RAPGEF6: variants seen among roughly 807,000 people sequenced by gnomAD.
The protein encoded by RAPGEF6 is Rap guanine nucleotide exchange factor 6.
A neutral mutation model predicts 171.4 loss-of-function variants in RAPGEF6; 56 were observed. The ratio of observed to expected loss-of-function variants is 0.33; its 90% CI spans 0.26 to 0.41. The LOEUF (loss-of-function observed/expected upper bound fraction) is 0.41. Ranked by LOEUF, RAPGEF6 falls within the 10% of genes least tolerant of loss-of-function variation. The probability of loss-of-function intolerance (pLI) is 1.00; values close to 1 mark genes in which losing one functional copy is unlikely to be tolerated. For missense variants in RAPGEF6, 1,674 were observed against 1,921.4 expected, an observed-to-expected ratio of 0.87 and a Z score of 2.41; for synonymous variants, 692 against 650.1, an observed-to-expected ratio of 1.06 and a Z score of -0.98.
chr5:131,440,170 A>G (rs1752286368), intron 23 of RAPGEF6: 2 of 455,134 alleles, frequency 4.4e-6, no homozygotes, highest in African/African-American at 4.0e-5. Context: ...TGCTGTGGGT[A>G]TACGGGAAGA....
intron 17 of RAPGEF6, among the ~76,000 whole-genome samples, chr5:131,467,356 A>T (rs930625358): frequency 5.9e-5 from 9 of 152,236 alleles, no homozygotes; most frequent in African/African-American, 2.2e-4. Flanking sequence ...TCTAAAGGGT[A>T]TCCCTTAATC....
intron 1 of RAPGEF6, among the ~76,000 whole-genome samples, chr5:131,623,451 G>C (rs920391160): frequency 6.9e-6 from 1 of 145,008 alleles, no homozygotes; most frequent in Non-Finnish European, 1.5e-5. Context: ...TACTAGAATA[G>C]TAAAGGAACA....
At chr5:131,626,338 C>G (rs1765929519) in intron 1 of RAPGEF6, among the ~76,000 whole-genome samples, 1 of 152,084 alleles carries the variant, frequency 6.6e-6, no homozygotes, top group Admixed American at 6.6e-5. Context: ...ATACCAATAG[C>G]TGTGATTTTT....
intron 5 of RAPGEF6, among the ~76,000 whole-genome samples, chr5:131,552,692 C>G (rs1365679306): frequency 5.3e-5 from 8 of 152,042 alleles, no homozygotes; most frequent in Admixed American, 5.2e-4. Flanking sequence ...AACTCCTGAT[C>G]TCAGGTGATC....
chr5:131,604,627 G>A lies in RAPGEF6; in HGVS notation c.136C>T (p.Leu46Phe). The change falls in exon 2 of 28, where the codon CTT (leucine) becomes TTT (phenylalanine). Residue 46 changes from leucine (L) to phenylalanine (F), a missense_variant. Physicochemically the swap from Leu to Phe is conservative, Grantham distance 22 (BLOSUM62 0). Around this residue, in one of 3 missense-constraint regions of RAPGEF6, gnomAD observed 1,116 missense variants for 1,321.5 expected, o/e 0.84. Transcript: ENST00000509018. Reference protein sequence around the residue: ...EILSNLREHQLRLMSARARYE... With the variant: ...EILSNLREHQFRLMSARARYE... ...TAAATACAGAACGACACTTACCTAA[G>A]CTGATGTTCCCTGAGATTTGATAAT... The A allele has an allele frequency of 6.2e-7, 1 of 1,612,194 alleles. No homozygotes were observed. Among genetic ancestry groups the A allele is most frequent in the South Asian group, 1.1e-5 (1 of 90,856 alleles).
At chr5:131,556,733 T>C (rs1761259363) in intron 5 of RAPGEF6, among the ~76,000 whole-genome samples, 1 of 152,184 alleles carries the variant, frequency 6.6e-6, no homozygotes, top group African/African-American at 2.4e-5. Flanking sequence ...TTTATTCTTT[T>C]AAATGGCACA....
intron 4 of RAPGEF6, among the ~76,000 whole-genome samples, chr5:131,562,884 C>G (rs1460731500): frequency 2.0e-5 from 3 of 151,862 alleles, no homozygotes; most frequent in African/African-American, 7.3e-5. Flanking sequence ...AAGATGACTT[C>G]TTAAAAGAAA....
chr5:131,435,853 A>C (rs1283544087), intron 24 of RAPGEF6: 7 of 1,431,724 alleles, frequency 4.9e-6, no homozygotes, highest in African/African-American at 2.9e-5. Context: ...TATTTTACTA[A>C]GTTGTCTGCC....
chr5:131,599,437 G>C (rs1764096729), intron 3 of RAPGEF6, among the ~76,000 whole-genome samples: 1 of 151,972 alleles, frequency 6.6e-6, no homozygotes, highest in Admixed American at 6.6e-5. Flanking sequence ...ATAAACAAAT[G>C]AGCAAAATAA....
rs1007558873 is a variant in RAPGEF6, at chr5:131,635,187, G to T, written c.-157C>A. 4 of 728,672 alleles carry T rather than the reference G, an allele frequency of 5.5e-6. No homozygotes were observed. The highest frequency in any genetic ancestry group is 6.5e-6 in the Non-Finnish European group (3 of 461,936). The allele number at this position is 728,672 out of a possible 1,614,324, so 45.1% of individuals were successfully genotyped here. On this transcript the variant is annotated 5_prime_UTR_variant, in exon 1 of 28. Coordinates refer to ENST00000509018, the MANE Select transcript of RAPGEF6 (RefSeq NM_016340.6). ...TAGCAAACAACCCTTCGCAACGCCC[G>T]CCTAAGGCCTCTACCCACGCGCGAC...
chr5:131,503,059 T>C (rs886312174), intron 11 of RAPGEF6, among the ~76,000 whole-genome samples: 8 of 152,204 alleles, frequency 5.3e-5, no homozygotes, highest in African/African-American at 1.7e-4. Context: ...TACCTTGGCC[T>C]CCCAAAGTGC....
chr5:131,613,935 TGGGCAGCCA>T (rs1363753531), intron 1 of RAPGEF6, among the ~76,000 whole-genome samples: 1 of 151,768 alleles, frequency 6.6e-6, no homozygotes, highest in African/African-American at 2.4e-5. Flanking sequence ...AGAATCCGCT[TGGGCAGCCA>T]GTGGCTGCAG....
At chr5:131,594,884 C>A (rs909191788) in intron 3 of RAPGEF6, among the ~76,000 whole-genome samples, 1 of 144,510 alleles carries the variant, frequency 6.9e-6, no homozygotes, top group Non-Finnish European at 1.5e-5. Flanking sequence ...TTACCCCATG[C>A]CTGTATCTCC....
chr5:131,585,526 A>G (rs1335765526), intron 4 of RAPGEF6, among the ~76,000 whole-genome samples: 1 of 152,068 alleles, frequency 6.6e-6, no homozygotes, highest in African/African-American at 2.4e-5. Context: ...AAACTCAAAA[A>G]AAAACAAAAA....
chr5:131,548,141 G>A lies in RAPGEF6; in HGVS notation c.401C>T (p.Pro134Leu). 1 of 1,613,890 alleles carries A rather than the reference G, an allele frequency of 6.2e-7. No homozygotes were observed. The highest frequency in any genetic ancestry group is 8.5e-7 in the Non-Finnish European group (1 of 1,179,898). Residue 134 changes from proline to leucine, a missense_variant, in exon 6 of 28, where the codon CCT becomes CTT. By Grantham distance (98) the Pro-to-Leu change is moderately conservative (BLOSUM62 -3). This residue lies in a region of RAPGEF6 where 1,116 missense variants were observed against 1,321.5 expected (regional missense o/e 0.84). Coordinates refer to ENST00000509018, the MANE Select transcript of RAPGEF6 (RefSeq NM_016340.6). ...NEDSILQREIPARQSRRRFRK... is the reference protein window; with the variant it reads ...NEDSILQREILARQSRRRFRK... ...AAATCTTCTTCGGGATTGTCTGGCA[G>A]GAATTTCTCTTTGTAGAATACTATC...
chr5:131,445,493 CTGTGTGTGTG>C (rs11269268), intron 22 of RAPGEF6, among the ~76,000 whole-genome samples: 1 of 147,334 alleles, frequency 6.8e-6, no homozygotes, highest in African/African-American at 2.5e-5. Flanking sequence ...AACTCACTCT[CTGTGTGTGTG>C]TGTGTGTGTG....
chr5:131,461,252 T>C (rs1753911433), intron 19 of RAPGEF6, among the ~76,000 whole-genome samples: 2 of 152,082 alleles, frequency 1.3e-5, no homozygotes, highest in Non-Finnish European at 2.9e-5. Context: ...TACCAAATGG[T>C]TGCCATTATT....
intron 20 of RAPGEF6, among the ~76,000 whole-genome samples, chr5:131,455,063 T>C (rs1486327578): frequency 6.6e-6 from 1 of 152,186 alleles, no homozygotes; most frequent in Non-Finnish European, 1.5e-5. Flanking sequence ...AGGAGAATAC[T>C]AAACAGTGTT....
At chr5:131,450,512 G>A (rs2149820956) in intron 21 of RAPGEF6, among the ~76,000 whole-genome samples, 1 of 152,208 alleles carries the variant, frequency 6.6e-6, no homozygotes, top group Admixed American at 6.5e-5. Flanking sequence ...TTTAAGTGCA[G>A]AAATTTCTGA....
Sources: gnomAD v4.1 joint callset for allele counts (sites outside exome capture counted in the v4.1 genomes callset) on GRCh38, gnomAD v4.1.1 for gene constraint, gnomAD v4.1.1 regional missense constraint, MANE v1.5 for transcripts, NCBI Gene and HGNC (gene_info 2026-07-23, HGNC 2026-07-21) for gene names.